ZNF536: variants seen among roughly 807,000 people sequenced by gnomAD.
The protein encoded by ZNF536 is zinc finger protein 536.
Under a neutral mutation model 84.5 loss-of-function variants are expected in ZNF536, and 13 were observed. The observed-to-expected ratio is 0.15, with a 90% CI of 0.10 to 0.24. The LOEUF (loss-of-function observed/expected upper bound fraction) is 0.24, where lower values mean the gene tolerates loss of function less well. ZNF536 is among the 10% of genes least tolerant of loss of function. The probability of loss-of-function intolerance (pLI) is 1.00; values close to 1 mark genes in which losing one functional copy is unlikely to be tolerated. For missense variants in ZNF536, 1,536 were observed against 1,747.5 expected (o/e 0.88, Z 2.16); for synonymous variants, 811 against 742.5 (o/e 1.09, Z -1.50).
chr19:30,374,356 A>T (rs1382529074), intron 1 of ZNF536, among the ~76,000 whole-genome samples: 3 of 152,166 alleles, frequency 2.0e-5, no homozygotes, highest in Non-Finnish European at 4.4e-5. Flanking sequence ...TAAAAAATAT[A>T]AAGTAATACT....
chr19:30,578,158 A>C (rs2146634263), intron 1 of ZNF536, among the ~76,000 whole-genome samples: 1 of 152,344 alleles, frequency 6.6e-6, no homozygotes, highest in East Asian at 1.9e-4. Context: ...TGTTGTTTTA[A>C]AGTTCAGAGG....
intron 1 of ZNF536, among the ~76,000 whole-genome samples, chr19:30,603,300 T>C (rs1407232952): frequency 6.6e-6 from 1 of 152,074 alleles, no homozygotes; most frequent in African/African-American, 2.4e-5. Flanking sequence ...AAAGAATGGA[T>C]GGATGGATGG....
intron 2 of ZNF536, among the ~76,000 whole-genome samples, chr19:30,449,602 G>A (rs7246766): frequency 6.6e-6 from 1 of 152,236 alleles, no homozygotes; most frequent in South Asian, 2.1e-4. Context: ...TTGAAGTGTT[G>A]ATGGTGGGAA....
chr19:30,609,411 G>T (rs2048010732), intron 1 of ZNF536, among the ~76,000 whole-genome samples: 1 of 152,164 alleles, frequency 6.6e-6, no homozygotes, highest in African/African-American at 2.4e-5. Flanking sequence ...TTTTTGTAGA[G>T]CTAAATTCTA....
At chr19:30,226,530 C>G (rs567746956), upstream of ZNF536, among the ~76,000 whole-genome samples, 129 of 152,088 alleles carry the variant, frequency 8.5e-4, 1 homozygote, top group African/African-American at 3.0e-3. This position sits in a 1 kb window ranked among gnomAD's most constrained non-coding sequence, Gnocchi z 4.6. Flanking sequence ...AGGCTGAGGC[C>G]GGAGAGTTGG....
At chr19:30,383,946 TC>T (rs2049183735) in intron 1 of ZNF536, among the ~76,000 whole-genome samples, 1 of 38,372 alleles carries the variant, frequency 2.6e-5, no homozygotes, top group Admixed American at 4.2e-4. Context: ...TTCCCTCCCC[TC>T]CCCTCCCCTC....
intron 1 of ZNF536, among the ~76,000 whole-genome samples, chr19:30,416,552 G>A (rs1031866794): frequency 6.6e-6 from 1 of 152,050 alleles, no homozygotes; most frequent in African/African-American, 2.4e-5. Context: ...TGTGCAGTGT[G>A]GGGTGTGTGG....
intron 1 of ZNF536, among the ~76,000 whole-genome samples, chr19:30,615,180 C>T (rs1158921488): frequency 8.1e-5 from 12 of 148,892 alleles, no homozygotes; most frequent in Admixed American, 1.3e-4. Context: ...CTCCTGACCT[C>T]GTGATCCGCC....
At chr19:30,230,049 G>A (rs2022918062) in intron 1 of ZNF536, among the ~76,000 whole-genome samples, 1 of 152,190 alleles carries the variant, frequency 6.6e-6, no homozygotes, top group Non-Finnish European at 1.5e-5. Flanking sequence ...TGTGACCAAT[G>A]GCAGGGACTC....
At chr19:30,327,575 G>T (rs891426722) in intron 2 of ZNF536, among the ~76,000 whole-genome samples, 7 of 152,184 alleles carry the variant, frequency 4.6e-5, no homozygotes, top group Admixed American at 3.9e-4. Flanking sequence ...TGCCGTAATT[G>T]TTCCTGCGAA....
At chr19:30,653,440 G>A (rs779333031) in intron 1 of ZNF536, among the ~76,000 whole-genome samples, 16 of 152,334 alleles carry the variant, frequency 1.1e-4, no homozygotes, top group Non-Finnish European at 1.9e-4. Flanking sequence ...GATGGCTGGA[G>A]CCAGCTCACA....
chr19:30,478,984 T>C (rs2053963805), intron 2 of ZNF536, among the ~76,000 whole-genome samples: 1 of 152,186 alleles, frequency 6.6e-6, no homozygotes, highest in Non-Finnish European at 1.5e-5. Context: ...CCCACTGAGT[T>C]ACTCATCACT....
chr19:30,712,947 T>TAAAAAAAAAAAAAAAAAAA (rs1568700392), exon 2 of ZNF536: 1 of 96,324 alleles, frequency 1.0e-5, no homozygotes, highest in Admixed American at 1.0e-4. Flanking sequence ...AAAAAAAACA[T>TAAAAAAAAAAAAAAAAAAA]AAAAAAAAAA....
intron 2 of ZNF536, among the ~76,000 whole-genome samples, chr19:30,529,792 C>T (rs1420734932): frequency 6.6e-6 from 1 of 152,166 alleles, no homozygotes; most frequent in Non-Finnish European, 1.5e-5. Flanking sequence ...GCTTTTGATG[C>T]CTACTTCAAC....
At chr19:30,312,103 T>G (rs2046525325) in intron 2 of ZNF536, among the ~76,000 whole-genome samples, 1 of 152,108 alleles carries the variant, frequency 6.6e-6, no homozygotes, top group African/African-American at 2.4e-5. Context: ...TTTGAATGAG[T>G]GAGTCTCACT....
intron 1 of ZNF536, among the ~76,000 whole-genome samples, chr19:30,625,021 G>A (rs752594861): frequency 1.3e-5 from 2 of 152,178 alleles, no homozygotes; most frequent in African/African-American, 4.8e-5. Context: ...GCAGAACTGT[G>A]AGTCAATTAA....
chr19:30,678,236 A>G (rs979918638), intron 1 of ZNF536, among the ~76,000 whole-genome samples: 1 of 152,162 alleles, frequency 6.6e-6, no homozygotes, highest in Non-Finnish European at 1.5e-5. Flanking sequence ...GGGCCGGGTT[A>G]TGGCCGCTGG....
At chr19:30,549,781 CA>C (rs1307552900) in intron 4 of ZNF536, among the ~76,000 whole-genome samples, 2 of 152,122 alleles carry the variant, frequency 1.3e-5, no homozygotes, top group Non-Finnish European at 2.9e-5. Flanking sequence ...GGTCGCTCAC[CA>C]TGTGAACTAC....
intron 2 of ZNF536, among the ~76,000 whole-genome samples, chr19:30,459,435 C>T (rs187623984): frequency 6.6e-6 from 1 of 150,684 alleles, no homozygotes; most frequent in Non-Finnish European, 1.5e-5. Context: ...ACTGCAACCT[C>T]TGCTTTCCCG....
Sources: allele counts gnomAD v4.1 joint callset (sites outside exome capture counted in the v4.1 genomes callset), GRCh38; gene constraint gnomAD v4.1.1; non-coding constraint Gnocchi (gnomAD v3.1); transcripts MANE v1.5; gene names NCBI Gene and HGNC (gene_info 2026-07-23, HGNC 2026-07-21).